CTDSPL: variants seen among roughly 807,000 people sequenced by gnomAD.
The protein encoded by CTDSPL is CTD small phosphatase like, also known as CTD small phosphatase-like protein.
A neutral mutation model predicts 30.5 loss-of-function variants in CTDSPL; 8 were observed. The observed-to-expected ratio is 0.26, with a 90% confidence interval of 0.15 to 0.47. The LOEUF is 0.47. CTDSPL is among the 20% of genes least tolerant of loss of function. CTDSPL has a pLI of 0.99. For synonymous variants in CTDSPL, 110 were observed against 137.9 expected (o/e 0.80, Z 1.42); for missense variants, 248 against 366.1 (o/e 0.68, Z 2.63).
intron 1 of CTDSPL, among the ~76,000 whole-genome samples, chr3:37,900,582 G>A (rs544843823): frequency 6.6e-5 from 10 of 152,224 alleles, no homozygotes; most frequent in Non-Finnish European, 1.2e-4. Context: ...TATAGAAAAC[G>A]ATAAAGATAA....
chr3:37,944,748 G>C (rs187350571), intron 1 of CTDSPL: 1 of 150,522 alleles, frequency 6.6e-6, no homozygotes, highest in African/African-American at 2.4e-5. Flanking sequence ...TCCCACAGCT[G>C]TGAAAATGAA....
chr3:37,895,682 TTTG>T (rs1458950388), intron 1 of CTDSPL, among the ~76,000 whole-genome samples: 3 of 152,248 alleles, frequency 2.0e-5, no homozygotes, highest in African/African-American at 7.2e-5. Flanking sequence ...TTTTTTATAT[TTTG>T]TTAATAGTTT....
At chr3:37,912,963 G>A (rs566358214) in intron 1 of CTDSPL, among the ~76,000 whole-genome samples, 22 of 152,166 alleles carry the variant, frequency 1.4e-4, no homozygotes, top group Non-Finnish European at 1.8e-4. Context: ...TCACATATAA[G>A]GAAACTGAGG....
chr3:37,953,383 C>A (rs1418470945), intron 2 of CTDSPL, among the ~76,000 whole-genome samples: 1 of 152,146 alleles, frequency 6.6e-6, no homozygotes, highest in East Asian at 1.9e-4. Context: ...GAAAAACATG[C>A]CTTATTTCAA....
intron 1 of CTDSPL, among the ~76,000 whole-genome samples, chr3:37,897,294 G>A (rs1047413693): frequency 1.3e-5 from 2 of 152,060 alleles, no homozygotes; most frequent in Non-Finnish European, 2.9e-5. Context: ...GCTAGATGGG[G>A]GCTATAGGGG....
chr3:37,974,412 C>A (rs1421437711), intron 6 of CTDSPL, among the ~76,000 whole-genome samples: 2 of 152,228 alleles, frequency 1.3e-5, no homozygotes, highest in Non-Finnish European at 2.9e-5. Context: ...GCCTTCCCAG[C>A]GCCACCAGCC....
intron 2 of CTDSPL, among the ~76,000 whole-genome samples, chr3:37,948,291 A>G (rs1047307200): frequency 3.3e-5 from 5 of 152,214 alleles, no homozygotes; most frequent in Non-Finnish European, 7.3e-5. Context: ...TCTCAAAAAA[A>G]AAAATATATG....
chr3:37,906,940 C>T (rs1698522660), intron 1 of CTDSPL, among the ~76,000 whole-genome samples: 1 of 152,200 alleles, frequency 6.6e-6, no homozygotes, highest in African/African-American at 2.4e-5. Context: ...GTTCAAACTG[C>T]TTTGTTGAAT....
rs1266169198 is a variant in CTDSPL, at chr3:37,862,551, GAGA to G, written c.79+276_79+278del. Among the ~76,000 whole-genome samples, 3 of 152,202 alleles carry G rather than the reference GAGA, an allele frequency of 2.0e-5. No homozygotes were observed. Among genetic ancestry groups the G allele is most frequent in the Non-Finnish European group, 4.4e-5 (3 of 68,024 alleles). On this transcript the variant is annotated intron_variant, in intron 1 of 7. Transcript: ENST00000273179. This position sits in a 1 kb window ranked among gnomAD's most constrained non-coding sequence, Gnocchi z 4.3. Reference sequence around the variant, plus strand: ...GAGTTTGTGTGCGCGCACGCCCGCAGAGAAGTTGTGAGCCTGTGTGTGCACCTA... The same window carrying G: ...GAGTTTGTGTGCGCGCACGCCCGCAGAGTTGTGAGCCTGTGTGTGCACCTA...
At chr3:37,954,207 AG>A (rs1699142045) in intron 2 of CTDSPL, among the ~76,000 whole-genome samples, 1 of 152,254 alleles carries the variant, frequency 6.6e-6, no homozygotes, top group Non-Finnish European at 1.5e-5. Flanking sequence ...AGGCCTTTAG[AG>A]GCAGTTCCTC....
intron 2 of CTDSPL, 55 bp downstream of exon 2, chr3:37,947,266 G>C: frequency 6.4e-7 from 1 of 1,568,484 alleles, no homozygotes; most frequent in African/African-American, 1.4e-5. Context: ...TGGCATCTCT[G>C]TCCCATCCTT....
In CTDSPL at chr3:37,982,833, A is replaced by T. The variant is rs567053284; in HGVS notation, c.*1966A>T. 70 of 361,136 alleles carry T rather than the reference A, an allele frequency of 1.9e-4. 1 individual carries two copies. The highest frequency in any genetic ancestry group is 1.4e-3 in the South Asian group (68 of 48,128). 22.4% of individuals were successfully genotyped at this position (361,136 alleles called of 1,614,324 possible). ...TCATTAAATGAACCCACTGCCTTAAATGTCTTGAATGTTGCAGTCAAGTGT... is the reference window on the plus strand; with the variant it reads ...TCATTAAATGAACCCACTGCCTTAATTGTCTTGAATGTTGCAGTCAAGTGT... On this transcript the variant is annotated 3_prime_UTR_variant, in exon 8 of 8. Coordinates refer to ENST00000273179, the MANE Select transcript of CTDSPL (RefSeq NM_001008392.2).
At chr3:37,916,068 A>G (rs914116975) in intron 1 of CTDSPL, among the ~76,000 whole-genome samples, 4 of 152,124 alleles carry the variant, frequency 2.6e-5, no homozygotes, top group Non-Finnish European at 5.9e-5. Context: ...TGGAACTCCA[A>G]TTTCAGCCCA....
intron 1 of CTDSPL, among the ~76,000 whole-genome samples, chr3:37,941,197 A>G (rs1212710470): frequency 6.7e-6 from 1 of 150,122 alleles, no homozygotes; most frequent in African/African-American, 2.4e-5. Context: ...CAGTGGATAC[A>G]CAGGGACCAT....
At chr3:37,916,227 C>T (rs937393397) in intron 1 of CTDSPL, among the ~76,000 whole-genome samples, 1 of 152,222 alleles carries the variant, frequency 6.6e-6, no homozygotes, top group Admixed American at 6.5e-5. Context: ...TTATTCCTCA[C>T]TACCTGCTAA....
intron 5 of CTDSPL, chr3:37,968,388 T>C (rs1180563546): frequency 3.1e-6 from 1 of 324,250 alleles, no homozygotes; most frequent in African/African-American, 2.2e-5. Context: ...GTGTGAGTTT[T>C]CGGATCCGCA....
chr3:37,922,674 C>T lies in CTDSPL; in HGVS notation c.80-24383C>T, dbSNP rs116799251. On this transcript the variant is annotated intron_variant, in intron 1 of 7. Transcript: ENST00000273179. The stretch of plus-strand genomic sequence containing the variant: ...TCTGTTGAGGTATGGATTAAATCAG[C>T]CCTTATGGGCTAGCATGGGCACTTT... 6.1e-3 allele frequency among the ~76,000 whole-genome samples: 925 copies of T among 152,338 alleles called. 9 individuals carry two copies. The highest frequency in any genetic ancestry group is 0.021 in the African/African-American group (893 of 41,568).
In CTDSPL at chr3:37,947,145, G is replaced by C; in HGVS notation, c.168G>C (p.Glu56Asp). 6.2e-7 allele frequency: 1 copy of C among 1,613,280 alleles called. No homozygotes were observed. Among genetic ancestry groups the C allele is most frequent in the Non-Finnish European group, 8.5e-7 (1 of 1,179,996 alleles). ...FFCCFRDYNV[E>D]APPPSSPSVL... Reference sequence around the variant, plus strand: ...GCTGCTTCCGTGATTACAATGTGGAGGCCCCTCCACCCAGCAGCCCCAGTG... The same window carrying C: ...GCTGCTTCCGTGATTACAATGTGGACGCCCCTCCACCCAGCAGCCCCAGTG... Residue 56 changes from glutamate (E) to aspartate (D), a missense_variant, in exon 2 of 8, where the codon GAG becomes GAC. Transcript: ENST00000273179.
intron 5 of CTDSPL, chr3:37,969,396 C>T (rs766768042): frequency 7.6e-6 from 4 of 526,696 alleles, no homozygotes; most frequent in East Asian, 5.5e-5. Flanking sequence ...AAGGCCCTGG[C>T]GAAGGCCGTG....
Sources: allele counts gnomAD v4.1 joint callset (sites outside exome capture counted in the v4.1 genomes callset), GRCh38; gene constraint gnomAD v4.1.1; non-coding constraint Gnocchi (gnomAD v3.1); transcripts MANE v1.5; gene names NCBI Gene and HGNC (gene_info 2026-07-23, HGNC 2026-07-21).